The following ELOVL6 variants were observed in gnomAD, a reference collection of about 807,000 sequenced individuals.
ELOVL6 encodes ELOVL fatty acid elongase 6, also known as very long chain fatty acid elongase 6.
In ELOVL6, 8 loss-of-function variants were observed where a neutral mutation model predicts 31.7. That is an observed-to-expected ratio of 0.25 (90% CI 0.15 to 0.45). ELOVL6 has a LOEUF of 0.45. Among genes scored for constraint, ELOVL6 ranks in the 20% least tolerant of loss-of-function variants. The pLI is 1.00. For synonymous variants in ELOVL6, 101 were observed against 117.7 expected (o/e 0.86, Z 0.92); for missense variants, 126 against 326.4 (o/e 0.39, Z 4.73).
In ELOVL6 at chr4:110,066,637, CAAAAA is replaced by C. The variant is rs1209180349; in HGVS notation, c.222-6888_222-6884del. The stretch of plus-strand genomic sequence containing the variant: ...CTGGGCGACAGAGACTCTGTCTCAA[CAAAAA>C]AAAAAAAAAAAAAAAAAAAAAGAAT... On this transcript the variant is annotated intron_variant, in intron 2 of 3. Coordinates refer to ENST00000302274, the MANE Select transcript of ELOVL6 (RefSeq NM_024090.3). Among the ~76,000 whole-genome samples, 429 of 56,564 alleles carry C rather than the reference CAAAAA, an allele frequency of 7.6e-3. 2 individuals carry two copies. The highest frequency in any genetic ancestry group is 0.019 in the African/African-American group (370 of 19,814). 37.1% of individuals were successfully genotyped at this position (56,564 alleles called of 152,430 possible). A position where few individuals can be genotyped will look rare whatever the true frequency, so the allele number is the denominator to read the frequency against.
chr4:110,189,702 CTCACACCTGTAA>C (rs1481145040), intron 1 of ELOVL6, among the ~76,000 whole-genome samples: 2 of 151,536 alleles, frequency 1.3e-5, no homozygotes, highest in African/African-American at 4.8e-5. Flanking sequence ...GGCGCAGTGG[CTCACACCTGTAA>C]TCCCAGCACT....
chr4:110,196,332 C>T (rs1446796749), intron 1 of ELOVL6, among the ~76,000 whole-genome samples: 1 of 152,202 alleles, frequency 6.6e-6, no homozygotes, highest in Non-Finnish European at 1.5e-5. Context: ...CCCGAACAGG[C>T]CGGCTGGAGG....
intron 1 of ELOVL6, among the ~76,000 whole-genome samples, chr4:110,141,874 T>TATATATATATATAC (rs926529050): frequency 3.5e-5 from 5 of 143,222 alleles, no homozygotes; most frequent in African/African-American, 1.3e-4. Context: ...TATATATATA[T>TATATATATATATAC]ACTAATACAA....
At chr4:110,084,306 C>CATATGTT (rs1756100169) in intron 2 of ELOVL6, among the ~76,000 whole-genome samples, 1 of 79,236 alleles carries the variant, frequency 1.3e-5, no homozygotes, top group South Asian at 3.9e-4. Context: ...TGATATATAA[C>CATATGTT]ATATAACATA....
At position 110,084,365 on chromosome 4, in the gene ELOVL6, A is replaced by G. The variant is rs1364647333; in HGVS notation, c.221+21132T>C. ...ATATGATATATGATATATACCGCAT[A>G]TATGATATATGATATATATCGCATA... On this transcript the variant is annotated intron_variant, in intron 2 of 3. Transcript: ENST00000302274. Among the ~76,000 whole-genome samples the G allele has an allele frequency of 5.9e-5, 3 of 50,584 alleles. 1 individual carries two copies. Among genetic ancestry groups the G allele is most frequent in the African/African-American group, 3.8e-4 (3 of 7,940 alleles). The allele number at this position is 50,584 out of a possible 152,430, so 33.2% of individuals were successfully genotyped here. A position where few individuals can be genotyped will look rare whatever the true frequency, so the allele number is the denominator to read the frequency against.
intron 1 of ELOVL6, among the ~76,000 whole-genome samples, chr4:110,159,341 G>A (rs1758563669): frequency 6.6e-6 from 1 of 151,980 alleles, no homozygotes; most frequent in Admixed American, 6.6e-5. Context: ...TATATGAGAG[G>A]ACAATGATAA....
In ELOVL6 at chr4:110,084,218, C is replaced by G. The variant is rs1391889336; in HGVS notation, c.221+21279G>C. ...CTTATATGATATATATAACATATAA[C>G]TTATATGATATATATAACATATATG... On this transcript the variant is annotated intron_variant, in intron 2 of 3. Coordinates refer to ENST00000302274, the MANE Select transcript of ELOVL6 (RefSeq NM_024090.3). Among the ~76,000 whole-genome samples the G allele has an allele frequency of 1.2e-4, 7 of 60,334 alleles. 1 individual carries two copies. Among genetic ancestry groups the G allele is most frequent in the African/African-American group, 5.3e-4 (6 of 11,252 alleles). 39.6% of individuals were successfully genotyped at this position (60,334 alleles called of 152,430 possible). A position where few individuals can be genotyped will look rare whatever the true frequency, so the allele number is the denominator to read the frequency against.
In ELOVL6 at chr4:110,138,134, T is replaced by C. The variant is rs936825848; in HGVS notation, c.90-32506A>G. On this transcript the variant is annotated intron_variant, in intron 1 of 3. Coordinates refer to ENST00000302274, the MANE Select transcript of ELOVL6 (RefSeq NM_024090.3). ...TGACCTAATACAACATGCTCTATAA[T>C]TTATTACTGATTTAACTATTTCACT... Among the ~76,000 whole-genome samples the C allele has an allele frequency of 4.4e-4, 67 of 152,240 alleles. 1 individual carries two copies. The highest frequency in any genetic ancestry group is 4.2e-3 in the Admixed American group (64 of 15,276).
intron 2 of ELOVL6, among the ~76,000 whole-genome samples, chr4:110,078,773 C>G (rs1755735781): frequency 6.6e-6 from 1 of 152,132 alleles, no homozygotes; most frequent in African/African-American, 2.4e-5. Flanking sequence ...CTAAATGCTC[C>G]AAATTAAAGA....
chr4:110,059,490 A>T, intron 3 of ELOVL6, 113 bp downstream of exon 3: 1 of 1,111,342 alleles, frequency 9.0e-7, no homozygotes, highest in Non-Finnish European at 1.3e-6. Flanking sequence ...ATTCATTGTA[A>T]CTTTCTTGCA....
At chr4:110,077,935 G>A (rs1478283593) in intron 2 of ELOVL6, among the ~76,000 whole-genome samples, 1 of 152,204 alleles carries the variant, frequency 6.6e-6, no homozygotes, top group Non-Finnish European at 1.5e-5. Context: ...AGAACTACGT[G>A]ATGAATGCAC....
chr4:110,057,195 G>T lies in ELOVL6; in HGVS notation c.373+2408C>A, dbSNP rs1355973278. Among the ~76,000 whole-genome samples, 4 of 152,272 alleles carry T rather than the reference G, an allele frequency of 2.6e-5. No individual in the cohort carries two copies. The East Asian group carries it at 7.7e-4, about 29-fold the overall frequency. ...TCAGAACACAACACAATTAGTCCTT[G>T]CAGGGAAAAGGCGTTTCTAGAAGAA... On this transcript the variant is annotated intron_variant, in intron 3 of 3. Transcript: ENST00000302274.
At chr4:110,099,501 A>T (rs879326885) in intron 2 of ELOVL6, among the ~76,000 whole-genome samples, 1 of 152,204 alleles carries the variant, frequency 6.6e-6, no homozygotes, top group Non-Finnish European at 1.5e-5. Context: ...ATTTGTGCAA[A>T]TCAAGCAAAA....
intron 1 of ELOVL6, among the ~76,000 whole-genome samples, chr4:110,183,440 C>G (rs572484188): frequency 6.6e-6 from 1 of 152,292 alleles, no homozygotes; most frequent in African/African-American, 2.4e-5. Flanking sequence ...TAAAACCAAG[C>G]TATAAACCAG....
At chr4:110,147,299 A>C (rs1758145561) in intron 1 of ELOVL6, 1 of 157,252 alleles carries the variant, frequency 6.4e-6, no homozygotes, top group Admixed American at 6.5e-5. Flanking sequence ...AAAAAAAAGA[A>C]AAAAGGAAGA....
chr4:110,141,985 C>G (rs1757976846), intron 1 of ELOVL6, among the ~76,000 whole-genome samples: 1 of 150,048 alleles, frequency 6.7e-6, no homozygotes, highest in Non-Finnish European at 1.5e-5. Flanking sequence ...CTACCTTCAG[C>G]TCTGCTCTAC....
intron 3 of ELOVL6, among the ~76,000 whole-genome samples, chr4:110,057,110 T>A (rs572623952): frequency 4.6e-5 from 7 of 152,278 alleles, no homozygotes; most frequent in African/African-American, 1.4e-4. Flanking sequence ...AAATTATTCC[T>A]CCAAAAGGTA....
intron 1 of ELOVL6, among the ~76,000 whole-genome samples, chr4:110,191,224 A>G (rs1759610558): frequency 6.6e-6 from 1 of 152,210 alleles, no homozygotes; most frequent in Non-Finnish European, 1.5e-5. Context: ...AGAAACCTCA[A>G]TAACTATGCC....
intron 1 of ELOVL6, among the ~76,000 whole-genome samples, chr4:110,183,704 T>C (rs1244911625): frequency 6.6e-6 from 1 of 152,204 alleles, no homozygotes; most frequent in Non-Finnish European, 1.5e-5. Context: ...AGAGAAGTCT[T>C]TTTTTAAAAG....
Sources: gnomAD v4.1 joint callset for allele counts (sites outside exome capture counted in the v4.1 genomes callset) on GRCh38, gnomAD v4.1.1 for gene constraint, MANE v1.5 for transcripts, NCBI Gene and HGNC (gene_info 2026-07-23, HGNC 2026-07-21) for gene names.